The following BRWD1 variants were observed in gnomAD, a reference collection of about 807,000 sequenced individuals.
BRWD1 encodes bromodomain and WD repeat-containing protein 1.
A neutral mutation model predicts 251.2 loss-of-function variants in BRWD1; 82 were observed. The observed-to-expected ratio is 0.33, with a 90% confidence interval of 0.27 to 0.39. The LOEUF (loss-of-function observed/expected upper bound fraction) is 0.39. BRWD1 is among the 10% of genes least tolerant of loss of function. BRWD1 has a pLI of 1.00. For synonymous variants in BRWD1, 918 were observed against 902.8 expected, an observed-to-expected ratio of 1.02 and a Z score of -0.30; for missense variants, 2,233 against 2,711.6, an observed-to-expected ratio of 0.82 and a Z score of 3.92.
chr21:39,273,340 T>C (rs2035177532), intron 13 of BRWD1, among the ~76,000 whole-genome samples: 2 of 152,198 alleles, frequency 1.3e-5, no homozygotes, highest in Admixed American at 6.5e-5. Flanking sequence ...AATTTGTTTA[T>C]GAGCAAGGGT....
intron 18 of BRWD1, 100 bp from the exon 19 acceptor site, chr21:39,255,928 TAAAG>T: frequency 1.9e-6 from 2 of 1,053,162 alleles, no homozygotes; most frequent in South Asian, 1.6e-5. Context: ...GCACCAAAAA[TAAAG>T]AACTAAGAGA....
chr21:39,312,575 G>A (rs1029702418), intron 4 of BRWD1: 1 of 342,274 alleles, frequency 2.9e-6, no homozygotes, highest in Non-Finnish European at 5.5e-6. Flanking sequence ...GGCCGCACCT[G>A]GAGCCCCACC....
At chr21:39,238,337 G>A in intron 22 of BRWD1, 142 bp downstream of exon 22, 1 of 570,846 alleles carries the variant, frequency 1.8e-6, no homozygotes, top group Non-Finnish European at 3.1e-6. Context: ...ACAGCTGTTG[G>A]ATCTAGTTTT....
At chr21:39,290,102 C>G (rs1368264720) in intron 8 of BRWD1, among the ~76,000 whole-genome samples, 1 of 151,836 alleles carries the variant, frequency 6.6e-6, no homozygotes, top group Non-Finnish European at 1.5e-5. Context: ...AATGATTACT[C>G]ATTGTACTCC....
chr21:39,279,157 C>A (rs568677110), intron 9 of BRWD1, among the ~76,000 whole-genome samples: 398 of 152,222 alleles, frequency 2.6e-3, no homozygotes, highest in African/African-American at 9.1e-3. Context: ...AAAATATCAA[C>A]ATGTAATCCA....
intron 29 of BRWD1, among the ~76,000 whole-genome samples, chr21:39,223,265 A>T (rs940945054): frequency 1.1e-4 from 16 of 152,284 alleles, no homozygotes; most frequent in African/African-American, 3.8e-4. Context: ...TATTTTTTTT[A>T]ACTTTTTTTA....
At chr21:39,285,771 A>AC (rs2035612452) in intron 8 of BRWD1, among the ~76,000 whole-genome samples, 1 of 150,608 alleles carries the variant, frequency 6.6e-6, no homozygotes, top group Non-Finnish European at 1.5e-5. Context: ...AAAAACACAC[A>AC]CAAAAAAACT....
Position 39,238,467 on chromosome 21 carries a change from A to T in BRWD1, c.2576+12T>A, listed in dbSNP as rs1397034136. ...AAAATGCTTAAAAGACCACAACAATAAAAACAGATACCTTGAACTTTCGCT... is the reference window on the plus strand; with the variant it reads ...AAAATGCTTAAAAGACCACAACAATTAAAACAGATACCTTGAACTTTCGCT... On this transcript the variant is annotated intron_variant, in intron 22 of 40. Transcript: ENST00000342449. 6.2e-7 allele frequency: 1 copy of T among 1,600,596 alleles called. No individual in the cohort carries two copies. The highest frequency in any genetic ancestry group is 1.1e-5 in the South Asian group (1 of 90,732).
chr21:39,188,259 T>C lies in BRWD1; in HGVS notation c.*8000A>G. 2.0e-6 allele frequency: 2 copies of C among 985,408 alleles called. No homozygotes were observed. The highest frequency in any genetic ancestry group is 2.4e-6 in the Non-Finnish European group (2 of 829,906). The allele number at this position is 985,408 out of a possible 1,614,324, so 61.0% of individuals were successfully genotyped here. On this transcript the variant is annotated 3_prime_UTR_variant, in exon 41 of 41. Transcript: ENST00000342449. The stretch of plus-strand genomic sequence containing the variant: ...CTTGCAGCCATGAACAGTCAAACTA[T>C]CTAAAACTGCCTTCATGGTACACAC...
chr21:39,235,260 A>G (rs903872626), intron 23 of BRWD1: 1 of 152,238 alleles, frequency 6.6e-6, no homozygotes, highest in Non-Finnish European at 1.5e-5. Context: ...TAAAAAATAA[A>G]TAAATAAATA....
chr21:39,309,792 T>C (rs1281236143), intron 4 of BRWD1, among the ~76,000 whole-genome samples: 1 of 123,256 alleles, frequency 8.1e-6, no homozygotes, highest in African/African-American at 3.2e-5. Context: ...ACCGCTGCAC[T>C]CCAGCCTGGG....
At chr21:39,309,609 G>A (rs904779739) in intron 4 of BRWD1, among the ~76,000 whole-genome samples, 1 of 151,830 alleles carries the variant, frequency 6.6e-6, no homozygotes, top group Non-Finnish European at 1.5e-5. Flanking sequence ...CGGATCATGA[G>A]GTCAGGAGAT....
chr21:39,260,221 C>CAACATGATA (rs1407420429), intron 17 of BRWD1, among the ~76,000 whole-genome samples: 1 of 151,976 alleles, frequency 6.6e-6, no homozygotes, highest in East Asian at 1.9e-4. Context: ...CCTAAGATTA[C>CAACATGATA]AACATGATAC....
chr21:39,289,239 C>T (rs1452433342), intron 8 of BRWD1, among the ~76,000 whole-genome samples: 1 of 152,172 alleles, frequency 6.6e-6, no homozygotes, highest in South Asian at 2.1e-4. Flanking sequence ...TCTTGCTATA[C>T]TTTTGGCTGT....
Position 39,197,336 on chromosome 21 carries a change from T to C in BRWD1, c.5733A>G (p.Leu1911=). 5.6e-6 allele frequency: 9 copies of C among 1,614,010 alleles called. No homozygotes were observed. The highest frequency in any genetic ancestry group is 6.8e-6 in the Non-Finnish European group (8 of 1,179,900). The change falls in exon 41 of 41, where the codon TTA becomes TTG. Residue 1911 remains leucine, a synonymous_variant. Coordinates refer to ENST00000342449, the MANE Select transcript of BRWD1 (RefSeq NM_033656.4). ...RVCSSDSDSS[L]QVVKKSSKAR... ...CTTTTGATGATTTCTTAACCACCTG[T>C]AAACTACTGTCTGAGTCACTGGAAC...
At chr21:39,312,502 G>C (rs991495981) in intron 4 of BRWD1, 1 of 223,354 alleles carries the variant, frequency 4.5e-6, no homozygotes, top group Non-Finnish European at 9.1e-6. Context: ...GCGGTGGAGC[G>C]GGGAAGCGAA....
rs186054780 is a variant in BRWD1, at chr21:39,295,165, G to C, written c.609+578C>G. 4.8e-4 allele frequency among the ~76,000 whole-genome samples: 65 copies of C among 136,260 alleles called. No homozygotes were observed. In the East Asian group the frequency reaches 0.013, roughly 28 times the overall value. The allele number at this position is 136,260 out of a possible 152,430, so 89.4% of individuals were successfully genotyped here. On this transcript the variant is annotated intron_variant, in intron 7 of 40. Transcript: ENST00000342449. ...GAATGTGCTAGAGGGAAAGTGTTAG[G>C]TATGTCTATGTTTTTTTTTTTTTTT...
intron 23 of BRWD1, 34 bp downstream of exon 23, chr21:39,236,556 TCATGA>T: frequency 6.8e-7 from 1 of 1,466,326 alleles, no homozygotes; most frequent in Non-Finnish European, 9.3e-7. Flanking sequence ...AGCTGGGGTA[TCATGA>T]TACATGCTAT....
intron 28 of BRWD1, 53 bp from the exon 29 acceptor site, chr21:39,224,522 A>G (rs2033305320): frequency 2.6e-6 from 3 of 1,171,372 alleles, no homozygotes; most frequent in Non-Finnish European, 3.8e-6. Flanking sequence ...CAAAATGTGG[A>G]TAATAGGTAT....
Sources: gnomAD v4.1 joint callset for allele counts (sites outside exome capture counted in the v4.1 genomes callset) on GRCh38, gnomAD v4.1.1 for gene constraint, MANE v1.5 for transcripts, NCBI Gene and HGNC (gene_info 2026-07-23, HGNC 2026-07-21) for gene names.